Variants in PSEN1 observed in about 807,000 individuals in gnomAD.
The protein encoded by PSEN1 is presenilin-1.
Under a neutral mutation model 53.5 loss-of-function variants are expected in PSEN1, and 15 were observed. The ratio of observed to expected loss-of-function variants is 0.28; its 90% confidence interval spans 0.19 to 0.43. The LOEUF (loss-of-function observed/expected upper bound fraction) is 0.43, where lower values mean the gene tolerates loss of function less well. Ranked by LOEUF, PSEN1 falls within the 20% of genes least tolerant of loss-of-function variation. The pLI, the probability that PSEN1 is intolerant of heterozygous loss-of-function variation, is 1.00. For synonymous variants in PSEN1, 208 were observed against 209.8 expected (o/e 0.99, Z 0.08); for missense variants, 387 against 571.2 (o/e 0.68, Z 3.29).
chr14:73,202,211 A>ATT (rs35093253), intron 8 of PSEN1, among the ~76,000 whole-genome samples: 44 of 145,440 alleles, frequency 3.0e-4, no homozygotes, highest in African/African-American at 8.9e-4. Context: ...TACCTGGCTA[A>ATT]TTTTTTTTTT....
At chr14:73,218,086 CTTTT>C (rs58637970) in intron 11 of PSEN1, among the ~76,000 whole-genome samples, 2 of 97,896 alleles carry the variant, frequency 2.0e-5, no homozygotes, top group Non-Finnish European at 3.9e-5. Context: ...CCGCACCTGG[CTTTT>C]TTTTTTTTTT....
At chr14:73,209,140 G>A (rs999063040) in intron 9 of PSEN1, among the ~76,000 whole-genome samples, 5 of 152,238 alleles carry the variant, frequency 3.3e-5, no homozygotes, top group African/African-American at 9.6e-5. Flanking sequence ...GGGATGCCCA[G>A]GTCTACAGCC....
At chr14:73,176,506 T>C (rs1254083081) in intron 5 of PSEN1, among the ~76,000 whole-genome samples, 1 of 152,182 alleles carries the variant, frequency 6.6e-6, no homozygotes, top group East Asian at 1.9e-4. Context: ...ACCTGTGTAG[T>C]TGGATAGGTG....
At chr14:73,144,383 A>T (rs1897012192) in intron 1 of PSEN1, among the ~76,000 whole-genome samples, 1 of 152,126 alleles carries the variant, frequency 6.6e-6, no homozygotes. Flanking sequence ...GGATATTGAG[A>T]TTATTGAAAA....
intron 3 of PSEN1, among the ~76,000 whole-genome samples, chr14:73,148,563 C>G (rs902008597): frequency 1.1e-4 from 16 of 152,102 alleles, no homozygotes; most frequent in Non-Finnish European, 1.9e-4. Flanking sequence ...TCTGTGCTGT[C>G]GGACAAAGAG....
At chr14:73,140,202 C>CTTTTTTT (rs35223948) in intron 1 of PSEN1, among the ~76,000 whole-genome samples, 6 of 73,040 alleles carry the variant, frequency 8.2e-5, no homozygotes, top group Admixed American at 1.9e-4. Flanking sequence ...TTTTGCTATT[C>CTTTTTTT]TTTTTTTTTT....
chr14:73,198,243 A>T (rs1212505120), intron 8 of PSEN1, 114 bp downstream of exon 8: 2 of 705,904 alleles, frequency 2.8e-6, no homozygotes, highest in African/African-American at 1.8e-5. Context: ...AATGCACAGC[A>T]TTCCTGGAAC....
intron 3 of PSEN1, chr14:73,160,095 A>G (rs1252120497): frequency 2.4e-5 from 6 of 247,108 alleles, no homozygotes; most frequent in East Asian, 1.5e-4. Context: ...AAATACAGAG[A>G]TTATGGGTGT....
At position 73,219,923 on chromosome 14, in the gene PSEN1, T is replaced by C. The variant is rs1900079072; in HGVS notation, c.*634T>C. 1 of 153,252 alleles carries C rather than the reference T, an allele frequency of 6.5e-6. No homozygotes were observed. The highest frequency in any genetic ancestry group is 1.5e-5 in the Non-Finnish European group (1 of 68,820). 9.5% of individuals were successfully genotyped at this position (153,252 alleles called of 1,614,324 possible). On this transcript the variant is annotated 3_prime_UTR_variant, in exon 12 of 12. Transcript: ENST00000324501. ...GTCAAGTCAAATATGTAGATTGCCTTTGGCAATTCTTCTTCTCAAGCACTG... is the reference window on the plus strand; with the variant it reads ...GTCAAGTCAAATATGTAGATTGCCTCTGGCAATTCTTCTTCTCAAGCACTG...
rs752037124 is a variant in PSEN1 at position 73,152,147 on chromosome 14, C to T, written c.87+4041C>T. Among the ~76,000 whole-genome samples, 136 of 146,632 alleles carry T rather than the reference C, an allele frequency of 9.3e-4. 1 individual carries two copies. The highest frequency in any genetic ancestry group is 3.5e-3 in the Middle Eastern group (1 of 286). ...AGGATGGTCTCGGATCTCCTGACCT[C>T]GTGATTCGCCCGTCTCGGCCTCCCA... On this transcript the variant is annotated intron_variant, in intron 3 of 11. Transcript: ENST00000324501.
chr14:73,146,508 T>TGA (rs1897075721), intron 1 of PSEN1, among the ~76,000 whole-genome samples: 1 of 152,142 alleles, frequency 6.6e-6, no homozygotes, highest in Admixed American at 6.5e-5. Context: ...TAGCTGACAA[T>TGA]GGGCTGAAGG....
chr14:73,174,212 A>C lies in PSEN1; in HGVS notation c.480+505A>C, dbSNP rs1431016333. The C allele has an allele frequency of 1.8e-5, 3 of 170,752 alleles. No individual in the cohort carries two copies. The East Asian group carries it at 5.1e-4, about 29-fold the overall frequency. The allele number at this position is 170,752 out of a possible 1,614,324, so 10.6% of individuals were successfully genotyped here. A position where few individuals can be genotyped will look rare whatever the true frequency, so the allele number is the denominator to read the frequency against. On this transcript the variant is annotated intron_variant, in intron 5 of 11. Coordinates refer to ENST00000324501, the MANE Select transcript of PSEN1 (RefSeq NM_000021.4). The stretch of plus-strand genomic sequence containing the variant: ...ATAAACATTTCCATATAATAGCACA[A>C]TCTAAGTGGGTTTTTGTTTGTTTGT...
Position 73,219,345 on chromosome 14 carries a change from G to C in PSEN1, c.*56G>C. On this transcript the variant is annotated 3_prime_UTR_variant, in exon 12 of 12. Coordinates refer to ENST00000324501, the MANE Select transcript of PSEN1 (RefSeq NM_000021.4). The stretch of plus-strand genomic sequence containing the variant: ...TCTTCTTTGACTATAACAAAATCTG[G>C]GGAGGACAAAGGTGATTTTCCTGTG... 1 of 1,550,466 alleles carries C rather than the reference G, an allele frequency of 6.4e-7. No homozygotes were observed. The highest frequency in any genetic ancestry group is 1.1e-5 in the South Asian group (1 of 89,788).
At chr14:73,165,993 T>A (rs1897703436) in intron 3 of PSEN1, among the ~76,000 whole-genome samples, 1 of 151,850 alleles carries the variant, frequency 6.6e-6, no homozygotes, top group Non-Finnish European at 1.5e-5. Flanking sequence ...GAGGCAGAGG[T>A]TGCAGTGAGC....
At chr14:73,199,732 AC>A (rs937044895) in intron 8 of PSEN1, among the ~76,000 whole-genome samples, 1 of 152,004 alleles carries the variant, frequency 6.6e-6, no homozygotes, top group African/African-American at 2.4e-5. Flanking sequence ...CAATTTCCTT[AC>A]CCCTTTGGTG....
intron 1 of PSEN1, chr14:73,147,550 C>T (rs955814513): frequency 1.5e-5 from 3 of 199,372 alleles, no homozygotes; most frequent in Admixed American, 1.1e-4. Context: ...TTACTCAGCT[C>T]CCTTTGCTGG....
intron 5 of PSEN1, among the ~76,000 whole-genome samples, chr14:73,178,059 C>T (rs1055989050): frequency 4.0e-5 from 6 of 151,568 alleles, no homozygotes; most frequent in African/African-American, 7.3e-5. Flanking sequence ...GCTGGGATTA[C>T]GGGTGCCTGC....
chr14:73,193,779 C>G (rs1020348310), intron 7 of PSEN1, among the ~76,000 whole-genome samples: 3 of 151,910 alleles, frequency 2.0e-5, no homozygotes, highest in Non-Finnish European at 4.4e-5. Flanking sequence ...ACTTCAGCCT[C>G]TCAAGTAGCT....
At chr14:73,209,978 A>G (rs1301757412) in intron 9 of PSEN1, among the ~76,000 whole-genome samples, 1 of 152,212 alleles carries the variant, frequency 6.6e-6, no homozygotes, top group Non-Finnish European at 1.5e-5. Context: ...AAGGCTTTGC[A>G]ATAATCAAAA....
Sources: allele counts gnomAD v4.1 joint callset (sites outside exome capture counted in the v4.1 genomes callset), GRCh38; gene constraint gnomAD v4.1.1; transcripts MANE v1.5; gene names NCBI Gene and HGNC (gene_info 2026-07-23, HGNC 2026-07-21).